Variants in GALNTL6 observed in about 807,000 individuals in gnomAD.
GALNTL6 encodes polypeptide N-acetylgalactosaminyltransferase like 6, also known as polypeptide N-acetylgalactosaminyltransferase-like 6.
In GALNTL6, 46 loss-of-function variants were observed where a neutral mutation model predicts 73.7. That is an observed-to-expected ratio of 0.62 (90% CI 0.49 to 0.80). GALNTL6 has a LOEUF of 0.80. GALNTL6 is among the 30% of genes least tolerant of loss of function. The pLI is 0.00. For synonymous variants in GALNTL6, 259 were observed against 263.7 expected (o/e 0.98, Z 0.17); for missense variants, 604 against 755.0 (o/e 0.80, Z 2.34).
At chr4:171,901,203 A>G (rs1737082976) in intron 2 of GALNTL6, among the ~76,000 whole-genome samples, 1 of 152,194 alleles carries the variant, frequency 6.6e-6, no homozygotes, top group Admixed American at 6.5e-5. Context: ...CTACCTCCAG[A>G]CTATATTTAA....
chr4:171,898,763 T>C (rs1736998355), intron 2 of GALNTL6, among the ~76,000 whole-genome samples: 1 of 151,988 alleles, frequency 6.6e-6, no homozygotes, highest in African/African-American at 2.4e-5. Flanking sequence ...TTTGTGGGGT[T>C]CTAGAAATGT....
At chr4:172,537,483 CCTT>C (rs1209302310) in intron 5 of GALNTL6, among the ~76,000 whole-genome samples, 12 of 152,186 alleles carry the variant, frequency 7.9e-5, no homozygotes, top group African/African-American at 2.9e-4. Flanking sequence ...TGCCTTTGCT[CCTT>C]CTTCACCTTC....
intron 2 of GALNTL6, among the ~76,000 whole-genome samples, chr4:172,030,053 T>G (rs1418481739): frequency 6.6e-6 from 1 of 152,112 alleles, no homozygotes; most frequent in Admixed American, 6.6e-5. Context: ...GTATTAATAT[T>G]CACATTTTAC....
intron 5 of GALNTL6, among the ~76,000 whole-genome samples, chr4:172,405,494 A>G (rs1003173495): frequency 4.1e-5 from 6 of 145,396 alleles, no homozygotes; most frequent in Non-Finnish European, 6.0e-5. Context: ...AGGTGAGTCA[A>G]TTAAGCTCCT....
chr4:172,993,792 C>T (rs904537961), intron 10 of GALNTL6, among the ~76,000 whole-genome samples: 4 of 152,176 alleles, frequency 2.6e-5, no homozygotes, highest in African/African-American at 9.7e-5. Context: ...CATGGTGGCA[C>T]ATGCATGTAC....
At chr4:172,528,186 A>C (rs1298525505) in intron 5 of GALNTL6, among the ~76,000 whole-genome samples, 1 of 151,352 alleles carries the variant, frequency 6.6e-6, no homozygotes, top group African/African-American at 2.4e-5. Flanking sequence ...TTTGACTTCT[A>C]GACCAACACT....
intron 2 of GALNTL6, among the ~76,000 whole-genome samples, chr4:172,169,645 C>G (rs893667299): frequency 6.6e-6 from 1 of 152,084 alleles, no homozygotes; most frequent in African/African-American, 2.4e-5. Flanking sequence ...AATACATACA[C>G]AACTCATATG....
rs142413532 is a variant in GALNTL6, at chr4:172,953,122, C to T, written c.1371+864C>T. ...CATTGATTCTTTAAATAAGCACCAACCTTTCCACCTCTGAACACTTCTATT... is the reference window on the plus strand; with the variant it reads ...CATTGATTCTTTAAATAAGCACCAATCTTTCCACCTCTGAACACTTCTATT... On this transcript the variant is annotated intron_variant, in intron 10 of 12. Transcript: ENST00000506823. 3.2e-3 allele frequency among the ~76,000 whole-genome samples: 493 copies of T among 152,316 alleles called. 3 individuals carry two copies. Among genetic ancestry groups the T allele is most frequent in the African/African-American group, 0.011 (472 of 41,568 alleles).
At chr4:172,733,116 G>C (rs996515363) in intron 5 of GALNTL6, among the ~76,000 whole-genome samples, 1 of 152,192 alleles carries the variant, frequency 6.6e-6, no homozygotes, top group African/African-American at 2.4e-5. Flanking sequence ...AAACGGGTCT[G>C]TTGGTGGTGA....
chr4:172,024,329 A>G (rs1290016845), intron 2 of GALNTL6, among the ~76,000 whole-genome samples: 1 of 151,774 alleles, frequency 6.6e-6, no homozygotes, highest in Non-Finnish European at 1.5e-5. Flanking sequence ...TAATATATAT[A>G]TACATAATAT....
At chr4:172,318,390 C>G (rs1242233589) in intron 4 of GALNTL6, among the ~76,000 whole-genome samples, 1 of 152,070 alleles carries the variant, frequency 6.6e-6, no homozygotes, top group Non-Finnish European at 1.5e-5. Flanking sequence ...ACTGACAGAC[C>G]ATGAGGCTGG....
At chr4:172,469,062 G>T (rs553581238) in intron 5 of GALNTL6, among the ~76,000 whole-genome samples, 1 of 152,256 alleles carries the variant, frequency 6.6e-6, no homozygotes, top group African/African-American at 2.4e-5. Flanking sequence ...CTTCACCCAT[G>T]ACCCTCTCCT....
At chr4:171,852,809 GTC>G (rs1735556714) in intron 2 of GALNTL6, among the ~76,000 whole-genome samples, 2 of 9,440 alleles carry the variant, frequency 2.1e-4, no homozygotes, top group Non-Finnish European at 4.8e-4. Flanking sequence ...AAAAAGATAA[GTC>G]AAGTCACTTC....
chr4:172,744,135 A>G (rs925752640), intron 5 of GALNTL6, among the ~76,000 whole-genome samples: 2 of 8,338 alleles, frequency 2.4e-4, no homozygotes, highest in African/African-American at 2.7e-4. Context: ...TCAATTATGC[A>G]TTCAGAAGTT....
At chr4:172,383,019 G>A (rs374533628) in intron 5 of GALNTL6, among the ~76,000 whole-genome samples, 5 of 152,218 alleles carry the variant, frequency 3.3e-5, no homozygotes, top group East Asian at 3.9e-4. Context: ...AGTACACACT[G>A]TATTATTATA....
At chr4:172,253,176 A>T (rs1050862500) in intron 3 of GALNTL6, among the ~76,000 whole-genome samples, 1 of 152,036 alleles carries the variant, frequency 6.6e-6, no homozygotes, top group African/African-American at 2.4e-5. Context: ...ATTTTAAATT[A>T]AAAATGGCAG....
intron 10 of GALNTL6, among the ~76,000 whole-genome samples, chr4:173,007,043 C>T (rs1255046928): frequency 6.6e-6 from 1 of 152,148 alleles, no homozygotes; most frequent in African/African-American, 2.4e-5. Flanking sequence ...GATTAGTACC[C>T]ACCACATTGA....
chr4:172,457,203 C>T (rs942910836), intron 5 of GALNTL6, among the ~76,000 whole-genome samples: 13 of 150,992 alleles, frequency 8.6e-5, no homozygotes, highest in African/African-American at 3.2e-4. Flanking sequence ...CTGAAGGAAG[C>T]ACTAAATATG....
chr4:172,911,926 T>A (rs935259148), intron 8 of GALNTL6, among the ~76,000 whole-genome samples: 1 of 152,266 alleles, frequency 6.6e-6, no homozygotes, highest in African/African-American at 2.4e-5. Flanking sequence ...ATTCAGTACC[T>A]GTGGTAAGGT....
Sources: gnomAD v4.1 joint callset for allele counts (sites outside exome capture counted in the v4.1 genomes callset) on GRCh38, gnomAD v4.1.1 for gene constraint, MANE v1.5 for transcripts, NCBI Gene and HGNC (gene_info 2026-07-23, HGNC 2026-07-21) for gene names.